TSGA10: variants seen among roughly 807,000 people sequenced by gnomAD.
TSGA10 encodes testis specific 10.
TSGA10 carries 43 observed loss-of-function variants against 96.6 expected under a neutral mutation model. The observed-to-expected ratio is 0.44, with a 90% confidence interval of 0.35 to 0.57. The LOEUF (loss-of-function observed/expected upper bound fraction) is 0.57. TSGA10 is among the 20% of genes least tolerant of loss of function. The pLI is 0.01. For synonymous variants in TSGA10, 229 were observed against 269.9 expected, an observed-to-expected ratio of 0.85 and a Z score of 1.48; for missense variants, 703 against 834.4, an observed-to-expected ratio of 0.84 and a Z score of 1.94.
chr2:99,106,251 C>CT (rs1411706002), intron 7 of TSGA10, among the ~76,000 whole-genome samples: 1 of 152,170 alleles, frequency 6.6e-6, no homozygotes, highest in Non-Finnish European at 1.5e-5. Flanking sequence ...GCACAGGTCT[C>CT]TTTTCCTCTT....
intron 20 of TSGA10, among the ~76,000 whole-genome samples, chr2:99,003,577 G>T (rs190836934): frequency 1.3e-4 from 20 of 152,284 alleles, no homozygotes; most frequent in African/African-American, 4.6e-4. Flanking sequence ...AAATGTGAAA[G>T]AACATAAATT....
chr2:99,071,747 T>C lies in TSGA10; in HGVS notation c.1066A>G (p.Asn356Asp), dbSNP rs757935082. The C allele has an allele frequency of 1.2e-6, 2 of 1,614,030 alleles. No homozygotes were observed. Among genetic ancestry groups the C allele is most frequent in the Non-Finnish European group, 8.5e-7 (1 of 1,179,906 alleles). The part of the protein sequence containing the change: ...ERDILAHDND[N>D]LQEQFAKAKQ... ...GCTTTAGCAAACTGTTCCTGGAGAT[T>C]GTCATTGTCATGAGCCAAGATATCT... Residue 356 changes from asparagine to aspartate, a missense_variant, in exon 14 of 21, where the codon AAT becomes GAT. Asn to Asp is a conservative substitution (Grantham distance 23). Transcript: ENST00000393483.
chr2:99,022,324 C>CA (rs56381088), intron 17 of TSGA10, among the ~76,000 whole-genome samples: 1,228 of 43,806 alleles, frequency 0.028, 91 homozygotes, highest in East Asian at 0.049. Flanking sequence ...GACCCTGTCT[C>CA]AAAAAAAAAA....
At chr2:99,002,902 C>T (rs1024914646) in intron 20 of TSGA10, among the ~76,000 whole-genome samples, 2 of 151,896 alleles carry the variant, frequency 1.3e-5, no homozygotes, top group Admixed American at 6.6e-5. Flanking sequence ...CTCTGTCGCC[C>T]AGGCTGGAGT....
At chr2:99,053,696 G>T (rs2083652597) in intron 16 of TSGA10, among the ~76,000 whole-genome samples, 1 of 152,082 alleles carries the variant, frequency 6.6e-6, no homozygotes, top group Non-Finnish European at 1.5e-5. Context: ...ACAAAAAATG[G>T]TTAGAAGTAA....
At chr2:99,008,129 T>A (rs148691586) in intron 20 of TSGA10, among the ~76,000 whole-genome samples, 1,632 of 152,220 alleles carry the variant, frequency 0.011, 9 homozygotes, top group Middle Eastern at 0.027. Context: ...TCCTCTACTA[T>A]CTGGGGAGAG....
chr2:99,029,092 T>C (rs899999090), intron 17 of TSGA10, among the ~76,000 whole-genome samples: 5 of 152,176 alleles, frequency 3.3e-5, no homozygotes, highest in East Asian at 1.9e-4. Flanking sequence ...AAAATGTCTA[T>C]AGTGGGAGAA....
intron 9 of TSGA10, among the ~76,000 whole-genome samples, chr2:99,104,905 C>A (rs572852675): frequency 6.6e-6 from 1 of 152,034 alleles, no homozygotes; most frequent in Non-Finnish European, 1.5e-5. Context: ...AATATATATT[C>A]GTAGCAATAT....
intron 1 of TSGA10, among the ~76,000 whole-genome samples, chr2:99,152,339 T>G (rs2093701438): frequency 6.6e-6 from 1 of 152,158 alleles, no homozygotes; most frequent in Non-Finnish European, 1.5e-5. Flanking sequence ...CAGGCTGGAG[T>G]GCAGTGGAGC....
intron 20 of TSGA10, among the ~76,000 whole-genome samples, chr2:99,007,340 C>T (rs1243573264): frequency 6.6e-6 from 1 of 151,628 alleles, no homozygotes; most frequent in Non-Finnish European, 1.5e-5. Flanking sequence ...TTCACAATGA[C>T]TCATAAAGCA....
chr2:99,004,747 A>C (rs187669834), intron 20 of TSGA10, among the ~76,000 whole-genome samples: 1 of 152,362 alleles, frequency 6.6e-6, no homozygotes, highest in East Asian at 1.9e-4. Context: ...ATCTGAAACT[A>C]TTCCAATCAA....
intron 7 of TSGA10, among the ~76,000 whole-genome samples, 190 bp downstream of exon 7, chr2:99,108,643 T>C (rs1187928322): frequency 2.0e-5 from 3 of 152,170 alleles, no homozygotes; most frequent in Non-Finnish European, 4.4e-5. Context: ...AACATACGTG[T>C]GTACTCACAT....
chr2:99,010,843 G>C (rs560173554), intron 20 of TSGA10, among the ~76,000 whole-genome samples: 1 of 152,296 alleles, frequency 6.6e-6, no homozygotes, highest in African/African-American at 2.4e-5. Context: ...TTTTTCAGTG[G>C]GGTAGCTCAC....
chr2:99,031,726 T>A (rs79147962), intron 17 of TSGA10, among the ~76,000 whole-genome samples: 2,760 of 152,276 alleles, frequency 0.018, 87 homozygotes, highest in African/African-American at 0.063. Context: ...GCTTCATCTG[T>A]ATTTACAACT....
At chr2:99,029,872 T>C (rs550088742) in intron 17 of TSGA10, among the ~76,000 whole-genome samples, 1 of 152,330 alleles carries the variant, frequency 6.6e-6, no homozygotes, top group African/African-American at 2.4e-5. Flanking sequence ...GACACCGTGC[T>C]TAAGTACGAA....
intron 17 of TSGA10, among the ~76,000 whole-genome samples, chr2:99,025,723 T>C (rs889400728): frequency 6.6e-6 from 1 of 152,198 alleles, no homozygotes; most frequent in Non-Finnish European, 1.5e-5. Context: ...TAGATAGGCA[T>C]TTATAGCTAT....
chr2:99,110,944 T>G (rs1373392414), intron 4 of TSGA10, 29 bp from the exon 5 acceptor site: 2 of 551,162 alleles, frequency 3.6e-6, no homozygotes, highest in African/African-American at 4.1e-5. Context: ...AAAAAAAAAT[T>G]ATTTCTATTA....
chr2:99,099,458 C>T (rs144087571), intron 10 of TSGA10, among the ~76,000 whole-genome samples: 1,629 of 152,282 alleles, frequency 0.011, 9 homozygotes, highest in Middle Eastern at 0.027. Flanking sequence ...TGTGACCAAT[C>T]TATATTTATT....
intron 2 of TSGA10, among the ~76,000 whole-genome samples, chr2:99,119,122 C>T (rs1038916141): frequency 2.0e-5 from 3 of 152,122 alleles, no homozygotes; most frequent in Non-Finnish European, 4.4e-5. Context: ...GAGTTATCGT[C>T]TTCCAAACCA....
Sources: gnomAD v4.1 joint callset for allele counts (sites outside exome capture counted in the v4.1 genomes callset) on GRCh38, gnomAD v4.1.1 for gene constraint, MANE v1.5 for transcripts, NCBI Gene and HGNC (gene_info 2026-07-23, HGNC 2026-07-21) for gene names.